GRIA4: variants seen among roughly 807,000 people sequenced by gnomAD.
GRIA4 encodes glutamate receptor 4.
A neutral mutation model predicts 104.0 loss-of-function variants in GRIA4; 34 were observed. That is an observed-to-expected ratio of 0.33 (90% CI 0.25 to 0.44). GRIA4 has a LOEUF of 0.44. Among genes scored for constraint, GRIA4 ranks in the 20% least tolerant of loss-of-function variants. The pLI, the probability that GRIA4 is intolerant of heterozygous loss-of-function variation, is 1.00. For synonymous variants in GRIA4, 386 were observed against 381.9 expected (o/e 1.01, Z -0.13); for missense variants, 750 against 1,096.5 (o/e 0.68, Z 4.46).
At chr11:105,930,870 A>C (rs1047395311) in intron 13 of GRIA4, among the ~76,000 whole-genome samples, 3 of 152,172 alleles carry the variant, frequency 2.0e-5, no homozygotes, top group African/African-American at 7.2e-5. Context: ...TACATAGTAA[A>C]GTATACAATG....
intron 14 of GRIA4, among the ~76,000 whole-genome samples, chr11:105,944,093 C>T (rs1282542648): frequency 6.6e-6 from 1 of 152,080 alleles, no homozygotes; most frequent in Non-Finnish European, 1.5e-5. Context: ...CAGGATAAAT[C>T]TAATACTAAA....
chr11:105,618,028 AG>A (rs1403289416), intron 3 of GRIA4, among the ~76,000 whole-genome samples: 1 of 151,972 alleles, frequency 6.6e-6, no homozygotes, highest in East Asian at 1.9e-4. Context: ...AAAAAGAACA[AG>A]GAAGGAGAGC....
chr11:105,962,190 T>C (rs1274298404), intron 14 of GRIA4, among the ~76,000 whole-genome samples: 1 of 152,124 alleles, frequency 6.6e-6, no homozygotes, highest in Non-Finnish European at 1.5e-5. Context: ...GATCTAGAAG[T>C]AAATATGAGT....
At chr11:105,904,980 A>T (rs947158501) in intron 8 of GRIA4, among the ~76,000 whole-genome samples, 6 of 152,218 alleles carry the variant, frequency 3.9e-5, no homozygotes, top group Non-Finnish European at 5.9e-5. Flanking sequence ...AATAAAACAT[A>T]TTCCTCTTCC....
At chr11:105,741,588 T>A (rs1158012606) in intron 3 of GRIA4, among the ~76,000 whole-genome samples, 1 of 151,592 alleles carries the variant, frequency 6.6e-6, no homozygotes, top group East Asian at 1.9e-4. Context: ...AAGAGAGGAG[T>A]GTGTTCCAAG....
At chr11:105,720,653 G>A (rs549016341) in intron 3 of GRIA4, among the ~76,000 whole-genome samples, 2 of 152,228 alleles carry the variant, frequency 1.3e-5, no homozygotes, top group Non-Finnish European at 2.9e-5. Flanking sequence ...TCCCTTAGAC[G>A]TTTATGTTAT....
At chr11:105,879,260 T>G (rs895410476) in intron 5 of GRIA4, among the ~76,000 whole-genome samples, 4 of 152,038 alleles carry the variant, frequency 2.6e-5, no homozygotes, top group South Asian at 2.1e-4. Context: ...GCCAGGTATC[T>G]CAGTTGGAAA....
At chr11:105,773,081 A>G (rs1941286738) in intron 4 of GRIA4, among the ~76,000 whole-genome samples, 1 of 152,148 alleles carries the variant, frequency 6.6e-6, no homozygotes, top group African/African-American at 2.4e-5. Flanking sequence ...TCATTGCTAA[A>G]TAGTGTCAAT....
At chr11:105,794,516 T>C (rs1465317783) in intron 4 of GRIA4, among the ~76,000 whole-genome samples, 21 of 122,432 alleles carry the variant, frequency 1.7e-4, no homozygotes, top group African/African-American at 5.1e-4. Context: ...TATATATACA[T>C]ATACACACAC....
chr11:105,617,432 T>C (rs1424195788), intron 3 of GRIA4, among the ~76,000 whole-genome samples: 1 of 151,914 alleles, frequency 6.6e-6, no homozygotes, highest in Non-Finnish European at 1.5e-5. Flanking sequence ...AGCCAGAGCT[T>C]GAACTAATTC....
chr11:105,830,424 C>G (rs1368579247), intron 4 of GRIA4, among the ~76,000 whole-genome samples: 2 of 151,964 alleles, frequency 1.3e-5, no homozygotes, highest in African/African-American at 2.4e-5. Context: ...TATTTTGTCT[C>G]TAGGCTATTT....
At chr11:105,803,789 G>C (rs1942824690) in intron 4 of GRIA4, among the ~76,000 whole-genome samples, 1 of 147,920 alleles carries the variant, frequency 6.8e-6, no homozygotes, top group Admixed American at 6.8e-5. Context: ...CTCAAAGTAA[G>C]CTTCTGATAT....
At chr11:105,691,702 C>A (rs1035430229) in intron 3 of GRIA4, among the ~76,000 whole-genome samples, 2 of 151,722 alleles carry the variant, frequency 1.3e-5, no homozygotes, top group Non-Finnish European at 2.9e-5. Context: ...TTTGAGAGGC[C>A]GAGGTGGGCG....
chr11:105,870,672 TG>T (rs962435967), intron 5 of GRIA4, among the ~76,000 whole-genome samples: 3 of 152,130 alleles, frequency 2.0e-5, no homozygotes, highest in Non-Finnish European at 2.9e-5. Context: ...GAGAGCTTCG[TG>T]TCCTGGGAAA....
intron 6 of GRIA4, among the ~76,000 whole-genome samples, chr11:105,888,099 C>T (rs574775772): frequency 1.3e-5 from 2 of 151,922 alleles, no homozygotes; most frequent in African/African-American, 4.8e-5. Context: ...GAGAGAAATC[C>T]TTTTAGATAT....
At position 105,980,875 on chromosome 11, in the gene GRIA4, T is replaced by C. The variant is rs1859227150; in HGVS notation, c.*1136T>C. Reference sequence around the variant, plus strand: ...CCCTCCTTTTCAGATCTTTGACTCATTAACAGATTAAACTGTCAAAGATGG... The same window carrying C: ...CCCTCCTTTTCAGATCTTTGACTCACTAACAGATTAAACTGTCAAAGATGG... On this transcript the variant is annotated 3_prime_UTR_variant, in exon 17 of 17. Transcript: ENST00000282499. The C allele has an allele frequency of 6.6e-6, 1 of 152,646 alleles. No individual in the cohort carries two copies. Among genetic ancestry groups the C allele is most frequent in the African/African-American group, 2.4e-5 (1 of 41,440 alleles). The allele number at this position is 152,646 out of a possible 1,614,324, so 9.5% of individuals were successfully genotyped here.
At chr11:105,845,697 T>C (rs181600136) in intron 4 of GRIA4, among the ~76,000 whole-genome samples, 15 of 152,082 alleles carry the variant, frequency 9.9e-5, no homozygotes, top group African/African-American at 3.6e-4. Flanking sequence ...TCCTGGCTAA[T>C]ACGGTGAAAT....
intron 4 of GRIA4, among the ~76,000 whole-genome samples, chr11:105,794,739 A>G (rs1942410657): frequency 6.6e-6 from 1 of 151,114 alleles, no homozygotes; most frequent in Non-Finnish European, 1.5e-5. Context: ...AGGGGTTTTA[A>G]TCTTGGAGAT....
chr11:105,803,113 C>T (rs935927043), intron 4 of GRIA4, among the ~76,000 whole-genome samples: 12 of 151,828 alleles, frequency 7.9e-5, no homozygotes, highest in Admixed American at 2.6e-4. Context: ...TTAATATCTC[C>T]GTGTTAAAAT....
Sources: gnomAD v4.1 joint callset for allele counts (sites outside exome capture counted in the v4.1 genomes callset) on GRCh38, gnomAD v4.1.1 for gene constraint, MANE v1.5 for transcripts, NCBI Gene and HGNC (gene_info 2026-07-23, HGNC 2026-07-21) for gene names.